SIPA1L1: variants seen among roughly 807,000 people sequenced by gnomAD.
SIPA1L1 encodes the protein signal-induced proliferation-associated 1-like protein 1.
A neutral mutation model predicts 162.7 loss-of-function variants in SIPA1L1; 26 were observed. The observed-to-expected ratio is 0.16, with a 90% confidence interval of 0.12 to 0.22. The LOEUF is 0.22. Ranked by LOEUF, SIPA1L1 falls within the 10% of genes least tolerant of loss-of-function variation. The pLI is 1.00. For synonymous variants in SIPA1L1, 829 were observed against 837.4 expected, an observed-to-expected ratio of 0.99 and a Z score of 0.17; for missense variants, 1,874 against 2,241.0, an observed-to-expected ratio of 0.84 and a Z score of 3.31.
intron 7 of SIPA1L1, among the ~76,000 whole-genome samples, chr14:71,635,420 G>T (rs1375593012): frequency 6.6e-6 from 1 of 152,204 alleles, no homozygotes; most frequent in Non-Finnish European, 1.5e-5. Context: ...AATGTCAAAT[G>T]TGCTTTTCAA....
chr14:71,619,425 T>C (rs1348045297), intron 6 of SIPA1L1, among the ~76,000 whole-genome samples: 1 of 152,028 alleles, frequency 6.6e-6, no homozygotes, highest in Non-Finnish European at 1.5e-5. Flanking sequence ...TAATTGTAAG[T>C]GAAACAGGCT....
intron 2 of SIPA1L1, among the ~76,000 whole-genome samples, chr14:71,380,504 T>C (rs2039802179): frequency 6.6e-6 from 1 of 152,252 alleles, no homozygotes; most frequent in Non-Finnish European, 1.5e-5. Context: ...CCTGTGTTGT[T>C]ACTGAAGAAG....
intron 4 of SIPA1L1, among the ~76,000 whole-genome samples, chr14:71,585,826 G>A (rs1054861461): frequency 1.8e-4 from 28 of 152,318 alleles, no homozygotes; most frequent in Non-Finnish European, 3.7e-4. Context: ...TTGGGGAGAT[G>A]TTGAACAGGT....
At chr14:71,637,074 C>T (rs2041222294) in intron 7 of SIPA1L1, among the ~76,000 whole-genome samples, 1 of 145,942 alleles carries the variant, frequency 6.9e-6, no homozygotes, top group South Asian at 2.2e-4. Context: ...AAAACAGCTA[C>T]ATCTTTGGGG....
intron 2 of SIPA1L1, among the ~76,000 whole-genome samples, chr14:71,468,591 A>G (rs1290116848): frequency 1.3e-5 from 2 of 152,122 alleles, no homozygotes; most frequent in Non-Finnish European, 2.9e-5. Context: ...CCATGATCCA[A>G]ACACCTCCCA....
chr14:71,621,985 A>G (rs1489510528), intron 6 of SIPA1L1, among the ~76,000 whole-genome samples: 1 of 152,166 alleles, frequency 6.6e-6, no homozygotes, highest in Non-Finnish European at 1.5e-5. Context: ...GTTTCCAGAT[A>G]TTGGTTCCTG....
intron 2 of SIPA1L1, among the ~76,000 whole-genome samples, chr14:71,351,378 C>G (rs1237167176): frequency 6.6e-6 from 1 of 152,082 alleles, no homozygotes; most frequent in African/African-American, 2.4e-5. Flanking sequence ...ACATTTAGGA[C>G]TCAACACTAA....
At chr14:71,421,436 C>T (rs1026588075) in intron 2 of SIPA1L1, among the ~76,000 whole-genome samples, 9 of 150,742 alleles carry the variant, frequency 6.0e-5, no homozygotes, top group African/African-American at 1.7e-4. Context: ...TCTACAAAAA[C>T]GAGAAAAAAA....
rs374372334 is a variant in SIPA1L1 at position 71,545,929 on chromosome 14, C to A, written c.-303+16559C>A. ...CAGCCTGGGCAACACAGTGAGAACC[C>A]ATCTCTACAAAAAATAAAAAATTAG... On this transcript the variant is annotated intron_variant, in intron 4 of 23. Coordinates refer to ENST00000381232, the MANE Select transcript of SIPA1L1 (RefSeq NM_001386936.1). Among the ~76,000 whole-genome samples the A allele has an allele frequency of 1.3e-4, 20 of 152,018 alleles. No homozygotes were observed. The South Asian group carries it at 4.2e-3, about 32-fold the overall frequency.
chr14:71,408,249 A>C (rs2042165406), intron 2 of SIPA1L1, among the ~76,000 whole-genome samples: 1 of 152,162 alleles, frequency 6.6e-6, no homozygotes, highest in South Asian at 2.1e-4. Flanking sequence ...TAAGCTTCCC[A>C]AGTGTCTGGT....
chr14:71,471,921 A>G (rs1362121664), intron 2 of SIPA1L1, among the ~76,000 whole-genome samples: 1 of 152,176 alleles, frequency 6.6e-6, no homozygotes, highest in Non-Finnish European at 1.5e-5. Flanking sequence ...GGCCTACCTG[A>G]CTCCAAGCCC....
chr14:71,725,795 C>G (rs2084186335), intron 19 of SIPA1L1, among the ~76,000 whole-genome samples: 1 of 152,208 alleles, frequency 6.6e-6, no homozygotes, highest in South Asian at 2.1e-4. Context: ...AAGGTCATGG[C>G]TGCAAACTTT....
In SIPA1L1 at chr14:71,684,516, C is replaced by T. The variant is rs555962432; in HGVS notation, c.3105-846C>T. 6.6e-5 allele frequency among the ~76,000 whole-genome samples: 10 copies of T among 152,382 alleles called. No individual in the cohort carries two copies. The East Asian group carries it at 1.7e-3, about 26-fold the overall frequency. On this transcript the variant is annotated intron_variant, in intron 12 of 23. Transcript: ENST00000381232. ...TGTGGCTACACAGCACTTGTGATGT[C>T]GCTGGTCCAAAGTGAAATGGTCTGT...
Position 71,463,979 on chromosome 14 carries a change from A to G in SIPA1L1, c.-464-48764A>G, listed in dbSNP as rs145166954. Reference sequence around the variant, plus strand: ...TTGGCCCCTGCAACTTTGCAATCCAATTATTCCCATTGTAGTTAAATTTAG... The same window carrying G: ...TTGGCCCCTGCAACTTTGCAATCCAGTTATTCCCATTGTAGTTAAATTTAG... On this transcript the variant is annotated intron_variant, in intron 2 of 23. Transcript: ENST00000381232. Among the ~76,000 whole-genome samples the G allele has an allele frequency of 8.5e-4, 130 of 152,272 alleles. 1 individual carries two copies. The East Asian group carries it at 0.02, about 24-fold the overall frequency.
chr14:71,506,314 C>A (rs1016955219), intron 2 of SIPA1L1, among the ~76,000 whole-genome samples: 1 of 151,984 alleles, frequency 6.6e-6, no homozygotes, highest in African/African-American at 2.4e-5. Context: ...TCTGGGAGTG[C>A]CATTAATTAC....
chr14:71,738,813 CTGCAGGGT>C (rs1206273478), intron 23 of SIPA1L1, among the ~76,000 whole-genome samples, 197 bp from the exon 24 acceptor site: 2 of 152,126 alleles, frequency 1.3e-5, no homozygotes, highest in Non-Finnish European at 2.9e-5. Flanking sequence ...AGAGCTAATC[CTGCAGGGT>C]TGAATCTCTC....
intron 2 of SIPA1L1, among the ~76,000 whole-genome samples, chr14:71,371,160 T>C (rs1215253416): frequency 1.3e-5 from 2 of 152,170 alleles, no homozygotes; most frequent in Non-Finnish European, 2.9e-5. Flanking sequence ...TTATATTTAA[T>C]CAGCCATTAT....
chr14:71,466,698 C>A (rs571423649), intron 2 of SIPA1L1, among the ~76,000 whole-genome samples: 2 of 151,852 alleles, frequency 1.3e-5, no homozygotes, highest in African/African-American at 4.8e-5. Flanking sequence ...GCATTATGAA[C>A]TAAATACATT....
chr14:71,675,457 G>A (rs536489235), intron 12 of SIPA1L1, among the ~76,000 whole-genome samples: 39 of 152,234 alleles, frequency 2.6e-4, no homozygotes, highest in Admixed American at 6.5e-4. Flanking sequence ...CCTGGGCAGG[G>A]CAGGTGGGAA....
Sources: allele counts gnomAD v4.1 joint callset (sites outside exome capture counted in the v4.1 genomes callset), GRCh38; gene constraint gnomAD v4.1.1; transcripts MANE v1.5; gene names NCBI Gene and HGNC (gene_info 2026-07-23, HGNC 2026-07-21).